Variants in IFT52 observed in about 807,000 individuals in gnomAD.
IFT52 encodes intraflagellar transport 52, also known as intraflagellar transport protein 52 homolog.
In IFT52, 44 loss-of-function variants were observed where a neutral mutation model predicts 54.4. The ratio of observed to expected loss-of-function variants is 0.81; its 90% CI spans 0.63 to 1.04. The LOEUF (loss-of-function observed/expected upper bound fraction) is 1.04. Ranked by LOEUF, IFT52 falls within the 50% of genes least tolerant of loss-of-function variation. The pLI is 0.00. For missense variants in IFT52, 452 were observed against 523.6 expected, an observed-to-expected ratio of 0.86 and a Z score of 1.33; for synonymous variants, 181 against 185.3, an observed-to-expected ratio of 0.98 and a Z score of 0.19.
At chr20:43,625,727 G>C (rs1206561021) in intron 10 of IFT52, among the ~76,000 whole-genome samples, 1 of 152,132 alleles carries the variant, frequency 6.6e-6, no homozygotes. Flanking sequence ...GTAGGGGTGA[G>C]AATGGTGGGA....
At chr20:43,592,203 C>G (rs1981582915) in intron 1 of IFT52, among the ~76,000 whole-genome samples, 1 of 152,084 alleles carries the variant, frequency 6.6e-6, no homozygotes, top group Admixed American at 6.6e-5. Context: ...ATGGCGCGCG[C>G]CTGTAATCCC....
chr20:43,636,080 A>C (rs1338120092), intron 11 of IFT52, 67 bp downstream of exon 11: 1 of 1,480,084 alleles, frequency 6.8e-7, no homozygotes, highest in Non-Finnish European at 9.4e-7. Flanking sequence ...GTCAGCAGGC[A>C]TTCGCTGTGG....
chr20:43,646,920 T>G lies in IFT52; in HGVS notation c.1267-16T>G, dbSNP rs1986238378. 1 of 1,608,064 alleles carries G rather than the reference T, an allele frequency of 6.2e-7. No homozygotes were observed. Among genetic ancestry groups the G allele is most frequent in the East Asian group, 2.2e-5 (1 of 44,852 alleles). ...TACTGAAATACTAAAATTCTGTGTC[T>G]TATTCTCTCATCCAGGAACATGACA... On this transcript the variant is annotated splice_polypyrimidine_tract_variant and intron_variant, in intron 13 of 13. Coordinates refer to ENST00000373030, the MANE Select transcript of IFT52 (RefSeq NM_016004.5).
At chr20:43,638,582 G>C (rs1295021287) in intron 12 of IFT52, among the ~76,000 whole-genome samples, 1 of 152,012 alleles carries the variant, frequency 6.6e-6, no homozygotes, top group African/African-American at 2.4e-5. Flanking sequence ...ACCAGTCTGG[G>C]CAACATAGCA....
In IFT52 at chr20:43,603,754, G is replaced by C. The variant is rs753991042; in HGVS notation, c.208-6G>C. On this transcript the variant is annotated splice_region_variant and splice_polypyrimidine_tract_variant and intron_variant, in intron 3 of 13. Coordinates refer to ENST00000373030, the MANE Select transcript of IFT52 (RefSeq NM_016004.5). ...TATTCATAGATTGCTTTTTTCCTTT[G>C]TGTAGTTTGAAATCCTGAAGAAATA... 1.2e-6 allele frequency: 2 copies of C among 1,609,880 alleles called. No individual in the cohort carries two copies. The highest frequency in any genetic ancestry group is 1.7e-5 in the Admixed American group (1 of 59,058).
chr20:43,643,496 C>CA lies in IFT52; in HGVS notation c.1266+879dup, dbSNP rs1986067422. Among the ~76,000 whole-genome samples, 2 of 55,026 alleles carry CA rather than the reference C, an allele frequency of 3.6e-5. 1 individual carries two copies. The highest frequency in any genetic ancestry group is 1.1e-4 in the African/African-American group (2 of 19,018). The allele number at this position is 55,026 out of a possible 152,430, so 36.1% of individuals were successfully genotyped here. A position where few individuals can be genotyped will look rare whatever the true frequency, so the allele number is the denominator to read the frequency against. ...GTGAGACTCTGTCTCAAAAAAAAAA[C>CA]AAAAAAATAGAGCTGGGTAAGAGGG... On this transcript the variant is annotated intron_variant, in intron 13 of 13. Transcript: ENST00000373030.
intron 9 of IFT52, 111 bp from the exon 10 acceptor site, chr20:43,623,780 T>A: frequency 8.1e-7 from 1 of 1,238,980 alleles, no homozygotes; most frequent in Admixed American, 2.4e-5. Flanking sequence ...ACAGTAAAAT[T>A]TCTTGGCAAG....
chr20:43,646,857 A>C, intron 13 of IFT52, 79 bp from the exon 14 acceptor site: 1 of 1,160,608 alleles, frequency 8.6e-7, no homozygotes, highest in African/African-American at 1.5e-5. Flanking sequence ...AGAATCTCTA[A>C]AGTCCAAAGC....
At chr20:43,637,536 T>C (rs1489797198) in intron 12 of IFT52, among the ~76,000 whole-genome samples, 1 of 152,240 alleles carries the variant, frequency 6.6e-6, no homozygotes. Context: ...GTGCTGGGAT[T>C]ACAGGCGTGA....
At chr20:43,643,149 A>G (rs914886068) in intron 13 of IFT52, among the ~76,000 whole-genome samples, 5 of 145,270 alleles carry the variant, frequency 3.4e-5, no homozygotes, top group African/African-American at 1.0e-4. Context: ...CCTGGGCAAC[A>G]GTGAGACTCT....
chr20:43,622,769 TG>T (rs1984427682), intron 9 of IFT52, among the ~76,000 whole-genome samples: 2 of 136,628 alleles, frequency 1.5e-5, no homozygotes, highest in East Asian at 2.1e-4. Flanking sequence ...ATATACAAAT[TG>T]TGTGTAAATA....
chr20:43,596,933 G>T (rs1455995446), intron 3 of IFT52, among the ~76,000 whole-genome samples: 2 of 150,998 alleles, frequency 1.3e-5, no homozygotes, highest in Non-Finnish European at 3.0e-5. Context: ...GGTGCAGATG[G>T]GGTCTCACCA....
chr20:43,607,417 G>A (rs1601036042), intron 6 of IFT52, among the ~76,000 whole-genome samples: 1 of 150,354 alleles, frequency 6.7e-6, no homozygotes, highest in Admixed American at 6.6e-5. Flanking sequence ...CTCAGACGGG[G>A]CGGCTGCCGG....
intron 6 of IFT52, among the ~76,000 whole-genome samples, chr20:43,607,932 G>A (rs946369752): frequency 1.3e-5 from 2 of 152,214 alleles, no homozygotes; most frequent in East Asian, 1.9e-4. Context: ...ATCACTCGCG[G>A]TTAGGAGCTG....
chr20:43,623,748 G>C, intron 9 of IFT52, 143 bp from the exon 10 acceptor site: 1 of 913,100 alleles, frequency 1.1e-6, no homozygotes. Context: ...GCTTATTTAA[G>C]GTTTAGTGTC....
intron 8 of IFT52, among the ~76,000 whole-genome samples, chr20:43,619,333 A>G (rs1984095099): frequency 6.6e-6 from 1 of 152,186 alleles, no homozygotes; most frequent in Non-Finnish European, 1.5e-5. Context: ...ATCACGTGTA[A>G]GGCCAAGGAG....
At chr20:43,618,530 G>A (rs941822333) in intron 7 of IFT52, among the ~76,000 whole-genome samples, 1 of 152,112 alleles carries the variant, frequency 6.6e-6, no homozygotes, top group Non-Finnish European at 1.5e-5. Flanking sequence ...TGCCCAGGCT[G>A]GAGTACAGTG....
chr20:43,634,369 C>T (rs1985380451), intron 10 of IFT52, among the ~76,000 whole-genome samples: 3 of 152,034 alleles, frequency 2.0e-5, no homozygotes, highest in Admixed American at 2.0e-4. Context: ...CAAACCTTTA[C>T]ACTAAATCAA....
intron 6 of IFT52, among the ~76,000 whole-genome samples, chr20:43,609,796 A>T (rs1164874971): frequency 6.7e-6 from 1 of 150,286 alleles, no homozygotes; most frequent in Admixed American, 6.6e-5. Flanking sequence ...AAAAAAAAAA[A>T]AAATTAGCCT....
Sources: gnomAD v4.1 joint callset for allele counts (sites outside exome capture counted in the v4.1 genomes callset) on GRCh38, gnomAD v4.1.1 for gene constraint, MANE v1.5 for transcripts, NCBI Gene and HGNC (gene_info 2026-07-23, HGNC 2026-07-21) for gene names.